UBR3: variants seen among roughly 807,000 people sequenced by gnomAD.
UBR3 encodes ubiquitin protein ligase E3 component n-recognin 3, also known as E3 ubiquitin-protein ligase UBR3.
UBR3 carries 85 observed loss-of-function variants against 243.2 expected under a neutral mutation model. The ratio of observed to expected loss-of-function variants is 0.35; its 90% CI spans 0.29 to 0.42. The LOEUF is 0.42. UBR3 is among the 10% of genes least tolerant of loss of function. The probability of loss-of-function intolerance (pLI) is 1.00; values close to 1 mark genes in which losing one functional copy is unlikely to be tolerated. For missense variants in UBR3, 1,686 were observed against 2,300.8 expected (o/e 0.73, Z 5.47); for synonymous variants, 748 against 799.8 (o/e 0.94, Z 1.09).
chr2:169,911,714 C>T (rs10191007), intron 10 of UBR3, among the ~76,000 whole-genome samples: 222 of 152,178 alleles, frequency 1.5e-3, no homozygotes, highest in African/African-American at 5.1e-3. Flanking sequence ...GCGCTAAGAG[C>T]ATGTAATGGT....
At chr2:170,016,847 AT>A in intron 30 of UBR3, 5 of 855,804 alleles carry the variant, frequency 5.8e-6, no homozygotes, top group African/African-American at 1.8e-5. Flanking sequence ...TTGCTTCATT[AT>A]TTTTCCCTTT....
In UBR3 at chr2:169,836,058, TATATA is replaced by T. The variant is rs1558998919; in HGVS notation, c.545+8007_545+8011del. Reference sequence around the variant, plus strand: ...CTCTCTCTCTCTATATATATATATATATATATATATTTTTTTTTTTTTTTTTTTTT... The same window carrying T: ...CTCTCTCTCTCTATATATATATATATTATATTTTTTTTTTTTTTTTTTTTT... On this transcript the variant is annotated intron_variant, in intron 1 of 38. Coordinates refer to ENST00000272793, the MANE Select transcript of UBR3 (RefSeq NM_172070.4). Among the ~76,000 whole-genome samples the T allele has an allele frequency of 1.0e-3, 58 of 58,186 alleles. 4 individuals are homozygous for T. The highest frequency in any genetic ancestry group is 1.3e-3 in the Non-Finnish European group (34 of 25,348). The allele number at this position is 58,186 out of a possible 152,430, so 38.2% of individuals were successfully genotyped here.
chr2:169,919,091 G>A (rs1375217618), intron 11 of UBR3, among the ~76,000 whole-genome samples: 4 of 152,176 alleles, frequency 2.6e-5, no homozygotes, highest in African/African-American at 9.7e-5. Context: ...AGCATTTGCG[G>A]CAGGGGGAAT....
At chr2:169,850,324 A>T (rs1476481623) in intron 1 of UBR3, among the ~76,000 whole-genome samples, 1 of 151,934 alleles carries the variant, frequency 6.6e-6, no homozygotes, top group Non-Finnish European at 1.5e-5. Context: ...GACTAGAGGC[A>T]CACGCCACCA....
intron 11 of UBR3, among the ~76,000 whole-genome samples, chr2:169,917,511 T>G (rs1264322440): frequency 6.6e-6 from 1 of 152,202 alleles, no homozygotes; most frequent in Non-Finnish European, 1.5e-5. Context: ...CTTGGAATCA[T>G]GAGTGTAGTG....
At chr2:169,866,167 A>AAAAAAAAAAAAAAAAAAAAC (rs2083253671) in intron 1 of UBR3, among the ~76,000 whole-genome samples, 1 of 146,418 alleles carries the variant, frequency 6.8e-6, no homozygotes. Flanking sequence ...AAAAAAAAAA[A>AAAAAAAAAAAAAAAAAAAAC]AAAAAAAAAA....
At chr2:169,875,446 A>G (rs1312459461) in intron 2 of UBR3, among the ~76,000 whole-genome samples, 1 of 152,130 alleles carries the variant, frequency 6.6e-6, no homozygotes, top group African/African-American at 2.4e-5. Flanking sequence ...CTCCTGCCTC[A>G]GACTCCTGAG....
intron 1 of UBR3, among the ~76,000 whole-genome samples, chr2:169,869,612 A>G (rs1356446437): frequency 6.6e-6 from 1 of 152,226 alleles, no homozygotes; most frequent in African/African-American, 2.4e-5. Context: ...AATGAACCAA[A>G]GAACTGTAAT....
intron 25 of UBR3, among the ~76,000 whole-genome samples, chr2:169,987,755 AT>A (rs1226888334): frequency 1.3e-5 from 2 of 152,102 alleles, no homozygotes; most frequent in Admixed American, 6.5e-5. Flanking sequence ...AAATTCTTAC[AT>A]ATTTCTCCAG....
chr2:170,025,757 G>C (rs1449678663), intron 30 of UBR3, among the ~76,000 whole-genome samples: 1 of 152,180 alleles, frequency 6.6e-6, no homozygotes, highest in Non-Finnish European at 1.5e-5. Flanking sequence ...CAATGGGATT[G>C]GTGGAGGGCA....
At chr2:169,935,850 T>G (rs1235237860) in intron 19 of UBR3, among the ~76,000 whole-genome samples, 1 of 152,210 alleles carries the variant, frequency 6.6e-6, no homozygotes, top group Non-Finnish European at 1.5e-5. Flanking sequence ...ACCTTTATTT[T>G]GGAACAATTT....
At chr2:169,943,136 T>C (rs72874411) in intron 20 of UBR3, among the ~76,000 whole-genome samples, 12,833 of 152,298 alleles carry the variant, frequency 0.084, 725 homozygotes, top group Non-Finnish European at 0.13. Context: ...ACTAACAAGA[T>C]GATGCTTTTA....
chr2:169,857,729 AT>A (rs2082939604), intron 1 of UBR3, among the ~76,000 whole-genome samples: 1 of 151,418 alleles, frequency 6.6e-6, no homozygotes, highest in African/African-American at 2.4e-5. Context: ...GCCTGGCCAA[AT>A]TTAATCTATT....
Position 169,878,647 on chromosome 2 carries a change from C to T in UBR3, c.1038+73C>T, listed in dbSNP as rs968098658. 4 of 1,293,244 alleles carry T rather than the reference C, an allele frequency of 3.1e-6. No individual in the cohort carries two copies. The African/African-American group carries it at 4.5e-5, about 15-fold the overall frequency. The allele number at this position is 1,293,244 out of a possible 1,614,324, so 80.1% of individuals were successfully genotyped here. A position where few individuals can be genotyped will look rare whatever the true frequency, so the allele number is the denominator to read the frequency against. Reference sequence around the variant, plus strand: ...TTTTATACTTTTTTATTATTTTATACTTCTTTATAGTTCTGAAACTGTATA... The same window carrying T: ...TTTTATACTTTTTTATTATTTTATATTTCTTTATAGTTCTGAAACTGTATA... On this transcript the variant is annotated intron_variant, in intron 5 of 38. Transcript: ENST00000272793.
rs1467630081 is a variant in UBR3, at chr2:170,079,972, A to G, written c.5358A>G (p.Val1786=). 5 of 1,614,078 alleles carry G rather than the reference A, an allele frequency of 3.1e-6. No individual in the cohort carries two copies. Among genetic ancestry groups the G allele is most frequent in the Non-Finnish European group, 4.2e-6 (5 of 1,179,964 alleles). The change falls in exon 37 of 39, where the codon GTA becomes GTG. Residue 1786 remains valine, a synonymous_variant. Transcript: ENST00000272793. ...PAVCLVCGTF[V]CLKGLCCKQQ... The stretch of plus-strand genomic sequence containing the variant: ...TTTGCCTTGTGTGTGGTACTTTTGT[A>G]TGCCTGAAAGGACTTTGCTGCAAGC...
intron 24 of UBR3, 44 bp downstream of exon 24, chr2:169,958,570 T>G (rs766764954): frequency 4.5e-6 from 7 of 1,540,514 alleles, no homozygotes; most frequent in Non-Finnish European, 6.3e-6. Flanking sequence ...ATTATACTTA[T>G]TACTTTAGGG....
intron 35 of UBR3, among the ~76,000 whole-genome samples, chr2:170,070,985 A>C (rs2091685378): frequency 6.6e-6 from 1 of 152,162 alleles, no homozygotes; most frequent in Non-Finnish European, 1.5e-5. Context: ...TTCTTAAGAG[A>C]ATATATATGA....
intron 32 of UBR3, among the ~76,000 whole-genome samples, chr2:170,047,634 A>G (rs1401858970): frequency 2.0e-5 from 3 of 152,190 alleles, no homozygotes; most frequent in East Asian, 3.8e-4. Flanking sequence ...GCCATACGTG[A>G]TGTACAGTAG....
Position 169,882,098 on chromosome 2 carries a change from T to C in UBR3, c.1038+3524T>C, listed in dbSNP as rs577616942. 8.6e-5 allele frequency among the ~76,000 whole-genome samples: 11 copies of C among 127,494 alleles called. No individual in the cohort carries two copies. The East Asian group carries it at 1.3e-3, about 15-fold the overall frequency. The allele number at this position is 127,494 out of a possible 152,430, so 83.6% of individuals were successfully genotyped here. On this transcript the variant is annotated intron_variant, in intron 5 of 38. Transcript: ENST00000272793. The stretch of plus-strand genomic sequence containing the variant: ...TTATATATGTATGTATATATACACA[T>C]ATATATTTATATTATATATGTATAT...
Sources: gnomAD v4.1 joint callset for allele counts (sites outside exome capture counted in the v4.1 genomes callset) on GRCh38, gnomAD v4.1.1 for gene constraint, MANE v1.5 for transcripts, NCBI Gene and HGNC (gene_info 2026-07-23, HGNC 2026-07-21) for gene names.